The following COL22A1 variants were observed in gnomAD, a reference collection of about 807,000 sequenced individuals.
COL22A1 encodes the protein collagen type XXII alpha 1 chain, also known as collagen alpha-1(XXII) chain.
COL22A1 carries 221 observed loss-of-function variants against 248.9 expected under a neutral mutation model. The observed-to-expected ratio is 0.89, with a 90% CI of 0.80 to 0.99. The LOEUF is 0.99. Ranked by LOEUF, COL22A1 falls within the 50% of genes least tolerant of loss-of-function variation. The probability of loss-of-function intolerance (pLI) is 0.00; values close to 1 mark genes in which losing one functional copy is unlikely to be tolerated. For missense variants in COL22A1, 2,240 were observed against 2,179.0 expected (o/e 1.03, Z -0.56); for synonymous variants, 891 against 793.4 (o/e 1.12, Z -2.07).
At chr8:138,609,513 G>A (rs28665790) in intron 56 of COL22A1, among the ~76,000 whole-genome samples, 1,731 of 152,252 alleles carry the variant, frequency 0.011, 19 homozygotes, top group Non-Finnish European at 0.018. Context: ...GAGCTAGTAA[G>A]GTCTAAAATC....
chr8:138,740,558 A>T (rs1031057394), intron 22 of COL22A1, among the ~76,000 whole-genome samples: 4 of 152,210 alleles, frequency 2.6e-5, no homozygotes, highest in Non-Finnish European at 5.9e-5. Flanking sequence ...GACTTGTAAA[A>T]GGCATGAATT....
intron 12 of COL22A1, among the ~76,000 whole-genome samples, chr8:138,793,317 TCTC>T (rs200406376): frequency 0.014 from 2,156 of 152,236 alleles, 26 homozygotes; most frequent in Middle Eastern, 0.027. Flanking sequence ...CCCACTCTGG[TCTC>T]CTCATTTCTG....
rs1477730657 is a variant in COL22A1, at chr8:138,862,980, C to G, written c.658+14770G>C. Among the ~76,000 whole-genome samples, 4 of 152,168 alleles carry G rather than the reference C, an allele frequency of 2.6e-5. No individual in the cohort carries two copies. The East Asian group carries it at 7.7e-4, about 29-fold the overall frequency. On this transcript the variant is annotated intron_variant, in intron 3 of 64. Transcript: ENST00000303045. Reference sequence around the variant, plus strand: ...TGAAATTAAACACACAAAGGACCAGCCATAAGTAAAGAGGGGACAGAGGGC... The same window carrying G: ...TGAAATTAAACACACAAAGGACCAGGCATAAGTAAAGAGGGGACAGAGGGC...
At chr8:138,889,243 A>G (rs1278827134) in intron 1 of COL22A1, among the ~76,000 whole-genome samples, 2 of 152,184 alleles carry the variant, frequency 1.3e-5, no homozygotes, top group South Asian at 4.1e-4. Context: ...CCTGAACTCA[A>G]TGGATACAAC....
chr8:138,676,855 C>T (rs142794357), intron 40 of COL22A1, among the ~76,000 whole-genome samples: 183 of 152,266 alleles, frequency 1.2e-3, no homozygotes, highest in Non-Finnish European at 2.0e-3. Flanking sequence ...CTTTCAAGGA[C>T]GACCACTCCC....
At chr8:138,893,446 G>A (rs758444208) in intron 1 of COL22A1, among the ~76,000 whole-genome samples, 5 of 152,154 alleles carry the variant, frequency 3.3e-5, no homozygotes, top group African/African-American at 4.8e-5. Context: ...AACGAGTTAC[G>A]ATATATAAAA....
chr8:138,897,761 G>C (rs982338063), intron 1 of COL22A1, among the ~76,000 whole-genome samples: 5 of 149,998 alleles, frequency 3.3e-5, no homozygotes, highest in African/African-American at 9.8e-5. Context: ...AGCTGATTTT[G>C]AATAAGAAAA....
chr8:138,630,831 T>A (rs2131999356), intron 49 of COL22A1, 83 bp from the exon 50 acceptor site: 4 of 1,167,142 alleles, frequency 3.4e-6, no homozygotes, highest in Non-Finnish European at 5.1e-6. Flanking sequence ...TACAAAGCAA[T>A]TGATATGGTT....
At chr8:138,757,486 C>G (rs190727090) in intron 18 of COL22A1, among the ~76,000 whole-genome samples, 412 of 152,042 alleles carry the variant, frequency 2.7e-3, no homozygotes, top group African/African-American at 9.5e-3. Context: ...AAGTGAGTTT[C>G]CAATAACAGT....
intron 1 of COL22A1, among the ~76,000 whole-genome samples, chr8:138,892,216 T>C (rs1825117520): frequency 6.6e-6 from 1 of 152,202 alleles, no homozygotes; most frequent in Non-Finnish European, 1.5e-5. Flanking sequence ...AGAATGGCTT[T>C]CTACCCAGAA....
At chr8:138,811,358 C>CATAT (rs10566310) in intron 9 of COL22A1, among the ~76,000 whole-genome samples, 1 of 150,838 alleles carries the variant, frequency 6.6e-6, no homozygotes. Flanking sequence ...TATATACACA[C>CATAT]ATATATATAT....
intron 56 of COL22A1, 96 bp from the exon 57 acceptor site, chr8:138,608,085 A>C: frequency 9.0e-7 from 1 of 1,110,306 alleles, no homozygotes; most frequent in East Asian, 2.5e-5. Context: ...TTGGTTTTAC[A>C]CAGAATCTGT....
At chr8:138,869,427 T>C (rs1232249839) in intron 3 of COL22A1, among the ~76,000 whole-genome samples, 1 of 152,182 alleles carries the variant, frequency 6.6e-6, no homozygotes, top group East Asian at 1.9e-4. Context: ...TGAAATGCGC[T>C]GACAGTGAAG....
chr8:138,602,326 G>A (rs1474807120), intron 59 of COL22A1, among the ~76,000 whole-genome samples, 167 bp from the exon 60 acceptor site: 1 of 152,054 alleles, frequency 6.6e-6, no homozygotes, highest in East Asian at 1.9e-4. Flanking sequence ...GGGGGTGGGG[G>A]CGGCACACTG....
intron 44 of COL22A1, among the ~76,000 whole-genome samples, chr8:138,659,568 C>T (rs1458624336): frequency 3.9e-5 from 6 of 152,328 alleles, no homozygotes; most frequent in Non-Finnish European, 5.9e-5. Flanking sequence ...AAGGACTCAT[C>T]TCTCTCTCCA....
At position 138,811,270 on chromosome 8, in the gene COL22A1, T is replaced by TAC. The variant is rs1438634547; in HGVS notation, c.1449+528_1449+529insGT. Among the ~76,000 whole-genome samples the TAC allele has an allele frequency of 2.8e-3, 317 of 112,462 alleles. 2 individuals carry two copies. The highest frequency in any genetic ancestry group is 8.3e-3 in the African/African-American group (294 of 35,330). 73.8% of individuals were successfully genotyped at this position (112,462 alleles called of 152,430 possible). ...ATAGACAAAACTCTACATATATATA[T>TAC]ATACACACACACACACACACACACA... On this transcript the variant is annotated intron_variant, in intron 9 of 64. Transcript: ENST00000303045.
intron 8 of COL22A1, 22 bp from the exon 9 acceptor site, chr8:138,811,943 T>A (rs1378576511): frequency 6.6e-7 from 1 of 1,525,238 alleles, no homozygotes; most frequent in Admixed American, 2.0e-5. Context: ...GCCCAGGAGG[T>A]CAGAACCTGG....
intron 3 of COL22A1, among the ~76,000 whole-genome samples, chr8:138,860,578 C>T (rs114074304): frequency 0.012 from 1,885 of 152,244 alleles, 40 homozygotes; most frequent in African/African-American, 0.043. Context: ...GAGGCCAAGG[C>T]GAGCAAATTG....
intron 39 of COL22A1, among the ~76,000 whole-genome samples, chr8:138,681,559 T>C (rs910856605): frequency 6.6e-6 from 1 of 152,172 alleles, no homozygotes; most frequent in Non-Finnish European, 1.5e-5. Flanking sequence ...TAATGCCCTC[T>C]AGGCCCTGAG....
Sources: gnomAD v4.1 joint callset for allele counts (sites outside exome capture counted in the v4.1 genomes callset) on GRCh38, gnomAD v4.1.1 for gene constraint, MANE v1.5 for transcripts, NCBI Gene and HGNC (gene_info 2026-07-23, HGNC 2026-07-21) for gene names.